Variants in IQCH observed in about 807,000 individuals in gnomAD.
IQCH encodes IQ motif containing H.
Under a neutral mutation model 117.0 loss-of-function variants are expected in IQCH, and 98 were observed. The observed-to-expected ratio is 0.84, with a 90% CI of 0.71 to 0.99. The LOEUF (loss-of-function observed/expected upper bound fraction) is 0.99. Among genes scored for constraint, IQCH ranks in the 50% least tolerant of loss-of-function variants. The pLI is 0.00. For missense variants in IQCH, 1,102 were observed against 1,243.8 expected (o/e 0.89, Z 1.72); for synonymous variants, 412 against 448.2 (o/e 0.92, Z 1.02).
At chr15:67,488,418 A>C (rs1405520482) in intron 18 of IQCH, among the ~76,000 whole-genome samples, 1 of 152,224 alleles carries the variant, frequency 6.6e-6, no homozygotes, top group South Asian at 2.1e-4. Flanking sequence ...GGAATATTGA[A>C]ATTTGCACAT....
Position 67,421,443 on chromosome 15 carries a change from C to G in IQCH, c.2371C>G (p.Gln791Glu), listed in dbSNP as rs200005536. ...CATCTCCTCTGGTACCACCGTGCCT[C>G]AGACCTCAGTGGATCCCCAAGTTCT... ...PFISSGTTVP[Q>E]TSVDPQVLTY... Residue 791 changes from glutamine (Q) to glutamate (E), a missense_variant, in exon 16 of 21, where the codon CAG (glutamine) becomes GAG (glutamate). Gln to Glu is a conservative substitution (Grantham distance 29). Around this residue, in one of 2 missense-constraint regions of IQCH, gnomAD observed 650 missense variants for 794.3 expected, o/e 0.82. Transcript: ENST00000335894. 2 of 1,614,066 alleles carry G rather than the reference C, an allele frequency of 1.2e-6. No individual in the cohort carries two copies. The highest frequency in any genetic ancestry group is 2.7e-5 in the African/African-American group (2 of 74,924).
intron 4 of IQCH, among the ~76,000 whole-genome samples, chr15:67,280,169 T>C (rs1966294004): frequency 6.6e-6 from 1 of 152,204 alleles, no homozygotes; most frequent in Non-Finnish European, 1.5e-5. Context: ...TTATAGTTGT[T>C]TCAGATATGT....
chr15:67,439,812 CG>C (rs1294988982), intron 16 of IQCH, among the ~76,000 whole-genome samples: 2 of 149,304 alleles, frequency 1.3e-5, no homozygotes, highest in Non-Finnish European at 3.0e-5. Context: ...CACTTGAACC[CG>C]GGAGGCAGAG....
rs577097887 is a variant in IQCH at position 67,490,821 on chromosome 15, A to G, written c.2861+757A>G. 1.3e-5 allele frequency among the ~76,000 whole-genome samples: 2 copies of G among 152,322 alleles called. No individual in the cohort carries two copies. The highest frequency in any genetic ancestry group is 4.8e-5 in the African/African-American group (2 of 41,572). ...CGGGCGCAGTCTTCTCAAGGTACGC[A>G]TGCACTGAGCACAGGCTGCTGGCAA... On this transcript the variant is annotated intron_variant, in intron 19 of 20. Coordinates refer to ENST00000335894, the MANE Select transcript of IQCH (RefSeq NM_001031715.3). The surrounding 1 kb of genome is among the most constrained non-coding windows in gnomAD (Gnocchi z 4.9).
intron 16 of IQCH, among the ~76,000 whole-genome samples, chr15:67,451,924 T>C (rs957304937): frequency 6.6e-6 from 1 of 152,202 alleles, no homozygotes; most frequent in African/African-American, 2.4e-5. Context: ...TGGGTGCATA[T>C]ATATTTAGGA....
At chr15:67,310,630 T>C (rs1046322415) in intron 4 of IQCH, among the ~76,000 whole-genome samples, 1 of 152,130 alleles carries the variant, frequency 6.6e-6, no homozygotes, top group Non-Finnish European at 1.5e-5. Context: ...ATTACAATAA[T>C]ATAGCCATAT....
At chr15:67,290,140 C>T (rs1156256293) in intron 4 of IQCH, among the ~76,000 whole-genome samples, 7 of 152,022 alleles carry the variant, frequency 4.6e-5, no homozygotes, top group Admixed American at 2.6e-4. Flanking sequence ...TTCATATTTT[C>T]CGTAACTTAA....
intron 8 of IQCH, among the ~76,000 whole-genome samples, chr15:67,363,984 C>G (rs759556205): frequency 5.3e-5 from 8 of 152,130 alleles, no homozygotes; most frequent in Non-Finnish European, 1.0e-4. Flanking sequence ...GATTCCATGT[C>G]TTTGCTATTG....
chr15:67,439,629 T>C (rs1417681932), intron 16 of IQCH, among the ~76,000 whole-genome samples: 1 of 152,100 alleles, frequency 6.6e-6, no homozygotes, highest in East Asian at 1.9e-4. Context: ...CTCATGCCTG[T>C]AATCCCAGCA....
intron 4 of IQCH, among the ~76,000 whole-genome samples, chr15:67,318,619 G>A (rs1020800807): frequency 2.0e-5 from 3 of 152,062 alleles, no homozygotes; most frequent in Non-Finnish European, 1.5e-5. Context: ...GATTAATGAA[G>A]GTGAACTTTT....
intron 14 of IQCH, among the ~76,000 whole-genome samples, chr15:67,412,619 G>A (rs957184431): frequency 3.3e-5 from 5 of 151,996 alleles, no homozygotes; most frequent in African/African-American, 9.7e-5. Context: ...AGCTGGTCAT[G>A]AACTCCTGAC....
chr15:67,395,163 AAAC>A lies in IQCH; in HGVS notation c.1633-123_1633-121del. ...ACAGCTTTTATCAATTTAAACTGCT[AAAC>A]AACAGGATAGGTCATAACCCAGCCT... On this transcript the variant is annotated intron_variant, in intron 12 of 20. Coordinates refer to ENST00000335894, the MANE Select transcript of IQCH (RefSeq NM_001031715.3). This position sits in a 1 kb window ranked among gnomAD's most constrained non-coding sequence, Gnocchi z 4.0. The A allele has an allele frequency of 1.9e-6, 2 of 1,034,132 alleles. No individual in the cohort carries two copies. Among genetic ancestry groups the A allele is most frequent in the Non-Finnish European group, 1.4e-6 (1 of 711,834 alleles). The allele number at this position is 1,034,132 out of a possible 1,614,324, so 64.1% of individuals were successfully genotyped here.
rs1182799806 is a variant in IQCH, at chr15:67,337,065, A to G, written c.478A>G (p.Ile160Val). ...SHCTDPYFTP[I>V]PVLQADAHKG... ...TTGCACAGATCCCTATTTCACTCCT[A>G]TACCAGTCTTACAAGCAGATGCCCA... The change falls in exon 5 of 21, where the codon ATA (isoleucine) becomes GTA (valine). Residue 160 changes from isoleucine to valine, a missense_variant. Transcript: ENST00000335894. The G allele has an allele frequency of 2.5e-6, 4 of 1,613,572 alleles. No homozygotes were observed. The highest frequency in any genetic ancestry group is 1.3e-5 in the African/African-American group (1 of 74,980).
At chr15:67,428,979 A>G (rs887105503) in intron 16 of IQCH, among the ~76,000 whole-genome samples, 1 of 152,234 alleles carries the variant, frequency 6.6e-6, no homozygotes, top group Non-Finnish European at 1.5e-5. Flanking sequence ...ATGAAGGCAC[A>G]TGGCCTCTAG....
rs1328980777 is a variant in IQCH, at chr15:67,364,933, T to C, written c.753+5048T>C. Among the ~76,000 whole-genome samples, 2 of 152,202 alleles carry C rather than the reference T, an allele frequency of 1.3e-5. No homozygotes were observed. The highest frequency in any genetic ancestry group is 2.9e-5 in the Non-Finnish European group (2 of 68,048). On this transcript the variant is annotated intron_variant, in intron 8 of 20. Transcript: ENST00000335894. This position sits in a 1 kb window ranked among gnomAD's most constrained non-coding sequence, Gnocchi z 4.1. ...TAAATTATAAATGTTACATTATTAATAAATAATTGTTTTTGTTCTTGTTTT... is the reference window on the plus strand; with the variant it reads ...TAAATTATAAATGTTACATTATTAACAAATAATTGTTTTTGTTCTTGTTTT...
intron 12 of IQCH, among the ~76,000 whole-genome samples, chr15:67,389,787 C>T (rs374125632): frequency 2.0e-5 from 3 of 151,134 alleles, no homozygotes; most frequent in Admixed American, 6.6e-5. Context: ...GTCTCTCTAT[C>T]GCCAACGTGA....
At position 67,479,246 on chromosome 15, in the gene IQCH, T is replaced by G. The variant is rs2083286375; in HGVS notation, c.2799+3428T>G. ...TCATGCCTGTCCTATAAGAAGGTGTTATTTCTACCATATTACAGTGAGGAC... is the reference window on the plus strand; with the variant it reads ...TCATGCCTGTCCTATAAGAAGGTGTGATTTCTACCATATTACAGTGAGGAC... On this transcript the variant is annotated intron_variant, in intron 18 of 20. Coordinates refer to ENST00000335894, the MANE Select transcript of IQCH (RefSeq NM_001031715.3). The surrounding 1 kb of genome is among the most constrained non-coding windows in gnomAD (Gnocchi z 4.6). Among the ~76,000 whole-genome samples, 1 of 152,240 alleles carries G rather than the reference T, an allele frequency of 6.6e-6. No individual in the cohort carries two copies. Among genetic ancestry groups the G allele is most frequent in the African/African-American group, 2.4e-5 (1 of 41,466 alleles).
At chr15:67,333,966 G>A (rs1260127710) in intron 4 of IQCH, among the ~76,000 whole-genome samples, 1 of 152,052 alleles carries the variant, frequency 6.6e-6, no homozygotes, top group Non-Finnish European at 1.5e-5. Flanking sequence ...GCTGAGGTGG[G>A]AGGATCATCT....
chr15:67,284,896 T>C (rs750732267), intron 4 of IQCH, among the ~76,000 whole-genome samples: 4 of 152,202 alleles, frequency 2.6e-5, no homozygotes, highest in Non-Finnish European at 5.9e-5. Flanking sequence ...TTTGCTACTG[T>C]GAATAGTGCT....
Sources: gnomAD v4.1 joint callset for allele counts (sites outside exome capture counted in the v4.1 genomes callset) on GRCh38, gnomAD v4.1.1 for gene constraint, gnomAD v4.1.1 regional missense constraint, Gnocchi (gnomAD v3.1) non-coding constraint, MANE v1.5 for transcripts, NCBI Gene and HGNC (gene_info 2026-07-23, HGNC 2026-07-21) for gene names.